VPS41: variants seen among roughly 807,000 people sequenced by gnomAD.
The protein encoded by VPS41 is VPS41 subunit of HOPS complex, also known as vacuolar protein sorting-associated protein 41 homolog.
In VPS41, 85 loss-of-function variants were observed where a neutral mutation model predicts 130.9. The observed-to-expected ratio is 0.65, with a 90% confidence interval of 0.55 to 0.78. The LOEUF (loss-of-function observed/expected upper bound fraction) is 0.78, where lower values mean the gene tolerates loss of function less well. Ranked by LOEUF, VPS41 falls within the 30% of genes least tolerant of loss-of-function variation. VPS41 has a pLI of 0.00. For missense variants in VPS41, 874 were observed against 1,018.7 expected (o/e 0.86, Z 1.93); for synonymous variants, 335 against 332.9 (o/e 1.01, Z -0.07).
intron 2 of VPS41, among the ~76,000 whole-genome samples, chr7:38,873,518 A>C (rs898916670): frequency 6.6e-6 from 1 of 152,176 alleles, no homozygotes; most frequent in Non-Finnish European, 1.5e-5. Context: ...TAAAAAGCAA[A>C]TCAATAATTT....
At chr7:38,875,714 G>A (rs1025831301) in intron 2 of VPS41, among the ~76,000 whole-genome samples, 3 of 152,176 alleles carry the variant, frequency 2.0e-5, no homozygotes, top group African/African-American at 7.2e-5. Flanking sequence ...TGAAGATAAT[G>A]GAATTCATCT....
chr7:38,815,300 T>TACA (rs1447609584), intron 7 of VPS41, among the ~76,000 whole-genome samples: 1 of 152,060 alleles, frequency 6.6e-6, no homozygotes, highest in African/African-American at 2.4e-5. Flanking sequence ...GGTGGGCATC[T>TACA]GTAGTCCCAG....
At chr7:38,754,316 A>G (rs1009081381) in intron 21 of VPS41, among the ~76,000 whole-genome samples, 3 of 152,198 alleles carry the variant, frequency 2.0e-5, no homozygotes, top group African/African-American at 7.2e-5. Context: ...GATATATGCC[A>G]TGGTTATATT....
At chr7:38,903,687 T>C (rs572507716) in intron 1 of VPS41, among the ~76,000 whole-genome samples, 5 of 152,286 alleles carry the variant, frequency 3.3e-5, no homozygotes, top group East Asian at 1.9e-4. Context: ...CTGTCTGATA[T>C]AGGCACAGGA....
At chr7:38,776,511 C>T (rs571584172) in intron 11 of VPS41, among the ~76,000 whole-genome samples, 168 bp downstream of exon 11, 41 of 152,188 alleles carry the variant, frequency 2.7e-4, no homozygotes, top group African/African-American at 5.1e-4. Flanking sequence ...GTAGAGTTTC[C>T]GGAAAGTAAA....
chr7:38,730,949 C>T (rs1795651715), intron 25 of VPS41, among the ~76,000 whole-genome samples: 1 of 152,172 alleles, frequency 6.6e-6, no homozygotes, highest in Admixed American at 6.5e-5. Flanking sequence ...GCCATATCCT[C>T]AGCAGGATTA....
At chr7:38,834,432 C>T (rs1011367911) in intron 4 of VPS41, among the ~76,000 whole-genome samples, 3 of 152,126 alleles carry the variant, frequency 2.0e-5, no homozygotes, top group Admixed American at 6.5e-5. Flanking sequence ...ATTCCATTTA[C>T]ATAACACACA....
chr7:38,790,631 T>C (rs6956501), intron 9 of VPS41, among the ~76,000 whole-genome samples: 32,592 of 152,166 alleles, frequency 0.21, 4,476 homozygotes, highest in Non-Finnish European at 0.31. Flanking sequence ...CTACAGATGA[T>C]TTAAAGTATA....
intron 4 of VPS41, among the ~76,000 whole-genome samples, chr7:38,847,538 TAGATCCTTAGGCTC>T (rs1416456711): frequency 2.0e-5 from 3 of 152,234 alleles, no homozygotes; most frequent in Admixed American, 6.5e-5. Flanking sequence ...AATTAAGTCT[TAGATCCTTAGGCTC>T]AGATCCTTAG....
At chr7:38,899,312 C>T (rs1787090891) in intron 1 of VPS41, among the ~76,000 whole-genome samples, 1 of 152,164 alleles carries the variant, frequency 6.6e-6, no homozygotes, top group African/African-American at 2.4e-5. Flanking sequence ...AGCTTAATGT[C>T]AATCCAAGTC....
chr7:38,792,484 C>G (rs1372876382), intron 9 of VPS41, among the ~76,000 whole-genome samples: 3 of 152,134 alleles, frequency 2.0e-5, no homozygotes, highest in African/African-American at 7.2e-5. Flanking sequence ...TGATCTTACA[C>G]CCCACATCCA....
chr7:38,827,497 G>C (rs562899755), intron 5 of VPS41, among the ~76,000 whole-genome samples: 1 of 152,298 alleles, frequency 6.6e-6, no homozygotes, highest in Non-Finnish European at 1.5e-5. Flanking sequence ...GAAGAGGCCA[G>C]ACTGCAATGG....
At chr7:38,875,138 T>C (rs1053549490) in intron 2 of VPS41, among the ~76,000 whole-genome samples, 4 of 152,166 alleles carry the variant, frequency 2.6e-5, no homozygotes, top group Non-Finnish European at 5.9e-5. Flanking sequence ...TATAACAATA[T>C]TTTAAGGAAT....
intron 25 of VPS41, chr7:38,741,303 T>C: frequency 6.0e-6 from 2 of 333,648 alleles, no homozygotes; most frequent in South Asian, 2.5e-5. Context: ...AGGAAATGTT[T>C]TAATTCAAGT....
In VPS41 at chr7:38,789,887, G is replaced by C. The variant is rs559331808; in HGVS notation, c.718-20C>G. ...GCACACCTGGAAAATAAGTTCGCAG[G>C]TTATTTTATTCATTTGATGGAAAAT... On this transcript the variant is annotated intron_variant, in intron 9 of 28. Transcript: ENST00000310301. 1.9e-6 allele frequency: 3 copies of C among 1,612,434 alleles called. No individual in the cohort carries two copies. The highest frequency in any genetic ancestry group is 1.1e-5 in the South Asian group (1 of 90,994).
At chr7:38,890,618 AG>A (rs1786840686) in intron 2 of VPS41, among the ~76,000 whole-genome samples, 1 of 152,202 alleles carries the variant, frequency 6.6e-6, no homozygotes, top group Non-Finnish European at 1.5e-5. Flanking sequence ...ATATTGTACT[AG>A]AGTTACGTAA....
At chr7:38,745,464 T>G in intron 23 of VPS41, 95 bp downstream of exon 23, 1 of 953,204 alleles carries the variant, frequency 1.0e-6, no homozygotes, top group Admixed American at 1.8e-5. Flanking sequence ...TGTGTTACGT[T>G]GGTCTAAAAC....
chr7:38,892,982 T>A (rs1786898849), intron 2 of VPS41, among the ~76,000 whole-genome samples: 1 of 152,276 alleles, frequency 6.6e-6, no homozygotes, highest in African/African-American at 2.4e-5. Context: ...ACACTCCTCC[T>A]ATCTCTTATG....
chr7:38,890,806 C>A (rs544565793), intron 2 of VPS41, among the ~76,000 whole-genome samples: 12 of 151,930 alleles, frequency 7.9e-5, no homozygotes, highest in South Asian at 2.1e-4. Context: ...CCACCTCAGC[C>A]TCCCAAGTAA....
Sources: gnomAD v4.1 joint callset for allele counts (sites outside exome capture counted in the v4.1 genomes callset) on GRCh38, gnomAD v4.1.1 for gene constraint, MANE v1.5 for transcripts, NCBI Gene and HGNC (gene_info 2026-07-23, HGNC 2026-07-21) for gene names.